Variants in RMC1 observed in about 807,000 individuals in gnomAD.
The protein encoded by RMC1 is regulator of MON1-CCZ1.
RMC1 carries 44 observed loss-of-function variants against 95.5 expected under a neutral mutation model. The observed-to-expected ratio is 0.46, with a 90% CI of 0.36 to 0.59. RMC1 has a LOEUF of 0.59. Among genes scored for constraint, RMC1 ranks in the 20% least tolerant of loss-of-function variants. The pLI is 0.00. For missense variants in RMC1, 705 were observed against 819.6 expected (o/e 0.86, Z 1.71); for synonymous variants, 320 against 303.6 (o/e 1.05, Z -0.56).
At chr18:23,518,677 ATAT>A (rs1372320861) in intron 7 of RMC1, among the ~76,000 whole-genome samples, 1 of 152,202 alleles carries the variant, frequency 6.6e-6, no homozygotes, top group Non-Finnish European at 1.5e-5. Flanking sequence ...TTCTTTTAAA[ATAT>A]TATGATCAAG....
Position 23,526,785 on chromosome 18 carries a change from C to G in RMC1, c.1189+20C>G, listed in dbSNP as rs773383433. The G allele has an allele frequency of 1.2e-6, 2 of 1,612,146 alleles. No homozygotes were observed. Among genetic ancestry groups the G allele is most frequent in the South Asian group, 1.1e-5 (1 of 90,890 alleles). The stretch of plus-strand genomic sequence containing the variant: ...CACAGAGTAAGTTGAATCCTTCCCC[C>G]TTGCTCTGATTCCAGTGTGAGGCCT... On this transcript the variant is annotated intron_variant, in intron 13 of 19. Transcript: ENST00000269221.
chr18:23,512,036 T>TC lies in RMC1; in HGVS notation c.408+2758dup, dbSNP rs1387069979. On this transcript the variant is annotated intron_variant, in intron 5 of 19. Transcript: ENST00000269221. ...AAAGACTTTTTTTTTTTTTTTTTTT[T>TC]CTGAGACAGAGTCTCACTCCGTCGC... Among the ~76,000 whole-genome samples, 29 of 137,456 alleles carry TC rather than the reference T, an allele frequency of 2.1e-4. 1 individual carries two copies. Among genetic ancestry groups the TC allele is most frequent in the African/African-American group, 4.7e-4 (17 of 36,412 alleles). The allele number at this position is 137,456 out of a possible 152,430, so 90.2% of individuals were successfully genotyped here.
rs552964618 is a variant in RMC1 at position 23,526,833 on chromosome 18, G to A, written c.1189+68G>A. The A allele has an allele frequency of 4.3e-5, 67 of 1,566,890 alleles. No individual in the cohort carries two copies. In the African/African-American group the frequency reaches 6.5e-4, roughly 15 times the overall value. On this transcript the variant is annotated intron_variant, in intron 13 of 19. Transcript: ENST00000269221. ...CCTGTGCTGCCCAACACTTTTTATC[G>A]GGATGTGGGCTACATTGTTGTGTCT...
chr18:23,515,351 G>A (rs1044680888), intron 5 of RMC1, among the ~76,000 whole-genome samples: 2 of 152,182 alleles, frequency 1.3e-5, no homozygotes, highest in Non-Finnish European at 2.9e-5. Context: ...AGTGATGCCT[G>A]CCTCTCAGTC....
chr18:23,529,562 T>C, intron 15 of RMC1, 73 bp from the exon 16 acceptor site: 2 of 1,385,026 alleles, frequency 1.4e-6, no homozygotes, highest in Non-Finnish European at 1.0e-6. Flanking sequence ...AAGGTGGGGG[T>C]TGGATAGAGA....
rs772109374 is a variant in RMC1 at position 23,527,783 on chromosome 18, G to C, written c.1190-12G>C. The C allele has an allele frequency of 1.2e-6, 2 of 1,609,572 alleles. No individual in the cohort carries two copies. The highest frequency in any genetic ancestry group is 2.2e-5 in the South Asian group (2 of 90,996). ...TTGGTTTGATCCGTGTGTGAACATT[G>C]TGCCTTTCCAGTGTTAAGTGAGTCA... On this transcript the variant is annotated splice_polypyrimidine_tract_variant and intron_variant, in intron 13 of 19. Coordinates refer to ENST00000269221, the MANE Select transcript of RMC1 (RefSeq NM_013326.5).
In RMC1 at chr18:23,503,606, C is replaced by G. The variant is rs758131664; in HGVS notation, c.-13C>G. On this transcript the variant is annotated 5_prime_UTR_variant, in exon 1 of 20. Transcript: ENST00000269221. The stretch of plus-strand genomic sequence containing the variant: ...CCGCCCCCGGGGCCCCCGCCGCGGG[C>G]GCGGCGCCCGCCATGGGCGAGGAGG... 13 of 1,541,454 alleles carry G rather than the reference C, an allele frequency of 8.4e-6. No homozygotes were observed. The highest frequency in any genetic ancestry group is 7.1e-5 in the South Asian group (6 of 84,966).
chr18:23,521,080 C>A (rs1404088052), intron 10 of RMC1, among the ~76,000 whole-genome samples: 2 of 152,132 alleles, frequency 1.3e-5, no homozygotes, highest in African/African-American at 4.8e-5. Context: ...GTCTTGAACT[C>A]CTGACCTCAG....
At chr18:23,508,568 G>A (rs553098645) in intron 4 of RMC1, 2 of 152,732 alleles carry the variant, frequency 1.3e-5, no homozygotes, top group South Asian at 4.1e-4. Flanking sequence ...AATTGGCAGT[G>A]TGGCACCTTG....
rs184942989 is a variant in RMC1, at chr18:23,527,073, A to G, written c.1189+308A>G. On this transcript the variant is annotated intron_variant, in intron 13 of 19. Transcript: ENST00000269221. ...TCAAAATCCAAGCCACTCACTGCAT[A>G]TGTGTCTTCTTTAAGAATCCCCTAC... Among the ~76,000 whole-genome samples the G allele has an allele frequency of 8.1e-4, 122 of 150,608 alleles. 1 individual carries two copies. Among genetic ancestry groups the G allele is most frequent in the African/African-American group, 2.8e-3 (113 of 40,038 alleles).
intron 4 of RMC1, among the ~76,000 whole-genome samples, chr18:23,508,455 T>C (rs1386119569): frequency 6.6e-6 from 1 of 152,222 alleles, no homozygotes; most frequent in African/African-American, 2.4e-5. Flanking sequence ...TTGTTGTCTT[T>C]GTCTTGTCCT....
chr18:23,525,611 T>TA (rs1460669290), intron 12 of RMC1, among the ~76,000 whole-genome samples: 1 of 151,822 alleles, frequency 6.6e-6, no homozygotes, highest in African/African-American at 2.4e-5. Flanking sequence ...TTTTAGTAGA[T>TA]ACGGGGTTTC....
intron 5 of RMC1, among the ~76,000 whole-genome samples, chr18:23,512,036 T>TTC (rs1567916696): frequency 4.4e-5 from 6 of 137,462 alleles, no homozygotes; most frequent in Admixed American, 2.2e-4. Flanking sequence ...TTTTTTTTTT[T>TTC]CTGAGACAGA....
intron 9 of RMC1, among the ~76,000 whole-genome samples, chr18:23,519,867 A>C (rs1652340): frequency 0.75 from 113,800 of 151,940 alleles, 43,730 homozygotes; most frequent in East Asian, 0.92. Flanking sequence ...GAAGCTGCTT[A>C]CCTCCTCTAC....
At chr18:23,530,671 C>T in intron 19 of RMC1, 59 bp downstream of exon 19, 4 of 1,523,680 alleles carry the variant, frequency 2.6e-6, no homozygotes, top group African/African-American at 1.4e-5. Context: ...GCAGAGGGCA[C>T]TGGCAGCTGG....
At chr18:23,516,235 T>G (rs2058001861) in intron 6 of RMC1, 85 bp from the exon 7 acceptor site, 20 of 1,481,412 alleles carry the variant, frequency 1.4e-5, no homozygotes. Context: ...AAGTCTGTGT[T>G]TATCCTTGTT....
At chr18:23,504,871 A>C (rs1366686832) in intron 2 of RMC1, 1 of 169,364 alleles carries the variant, frequency 5.9e-6, no homozygotes, top group African/African-American at 2.4e-5. Flanking sequence ...GTGACTGCAT[A>C]GTCCCAGTTC....
At chr18:23,508,185 C>A in intron 4 of RMC1, 144 bp downstream of exon 4, 1 of 664,136 alleles carries the variant, frequency 1.5e-6, no homozygotes. Context: ...TGGAGTCAGG[C>A]GGGGTGTTTG....
Position 23,526,624 on chromosome 18 carries a change from T to C in RMC1, c.1061-13T>C, listed in dbSNP as rs770445212. On this transcript the variant is annotated splice_polypyrimidine_tract_variant and intron_variant, in intron 12 of 19. Coordinates refer to ENST00000269221, the MANE Select transcript of RMC1 (RefSeq NM_013326.5). ...GCATCATACTGTTTTATTTGCTGCC[T>C]CTTAAAATCCAGGTTACCTCTGGAA... 9 of 1,613,124 alleles carry C rather than the reference T, an allele frequency of 5.6e-6. No homozygotes were observed. Among genetic ancestry groups the C allele is most frequent in the Non-Finnish European group, 6.8e-6 (8 of 1,179,642 alleles).
Sources: allele counts gnomAD v4.1 joint callset (sites outside exome capture counted in the v4.1 genomes callset), GRCh38; gene constraint gnomAD v4.1.1; transcripts MANE v1.5; gene names NCBI Gene and HGNC (gene_info 2026-07-23, HGNC 2026-07-21).